Variants in COLEC10 observed in about 807,000 individuals in gnomAD.
COLEC10 encodes the protein collectin subfamily member 10.
A neutral mutation model predicts 28.4 loss-of-function variants in COLEC10; 22 were observed. That is an observed-to-expected ratio of 0.78 (90% CI 0.55 to 1.11). The LOEUF is 1.11. COLEC10 is among the 50% of genes least tolerant of loss of function. The pLI is 0.00. For missense variants in COLEC10, 361 were observed against 344.1 expected, an observed-to-expected ratio of 1.05 and a Z score of -0.39; for synonymous variants, 125 against 116.1, an observed-to-expected ratio of 1.08 and a Z score of -0.49.
the COLEC10 span, among the ~76,000 whole-genome samples, chr8:118,978,761 A>G: frequency 2.6e-5 from 4 of 152,048 alleles, no homozygotes; most frequent in East Asian, 7.7e-4. Context: ...TGCTTCTGAA[A>G]TAGGTATACC....
At chr8:119,011,072 C>T (rs7017284) in intron 2 of COLEC10, among the ~76,000 whole-genome samples, 5,088 of 150,868 alleles carry the variant, frequency 0.034, 346 homozygotes, top group African/African-American at 0.078. Context: ...ATCACCAAAC[C>T]TGAAGTCATC....
At chr8:119,036,998 A>G (rs1004179476) in intron 2 of COLEC10, among the ~76,000 whole-genome samples, 2 of 152,182 alleles carry the variant, frequency 1.3e-5, no homozygotes, top group Admixed American at 6.5e-5. Flanking sequence ...GCCAGAGCAC[A>G]TGCCTTTTGA....
intron 5 of COLEC10, among the ~76,000 whole-genome samples, chr8:119,105,150 A>G (rs995031115): frequency 2.0e-5 from 3 of 152,142 alleles, no homozygotes; most frequent in South Asian, 2.1e-4. Flanking sequence ...TACCATTCCC[A>G]TAAGTATTCC....
intron 2 of COLEC10, among the ~76,000 whole-genome samples, chr8:119,090,684 T>C (rs1815572566): frequency 6.6e-6 from 1 of 152,254 alleles, no homozygotes; most frequent in African/African-American, 2.4e-5. Context: ...CCATGTCTGA[T>C]GTTTCTTTGA....
the COLEC10 span, among the ~76,000 whole-genome samples, chr8:118,969,716 G>A: frequency 6.8e-6 from 1 of 147,948 alleles, no homozygotes; most frequent in African/African-American, 2.5e-5. Context: ...TTTAAATTCA[G>A]CTCCTTATAA....
chr8:118,967,455 C>A, the COLEC10 span, among the ~76,000 whole-genome samples: 1 of 152,000 alleles, frequency 6.6e-6, no homozygotes. Context: ...TGCTATGTCA[C>A]CTGAATCAAA....
At chr8:118,996,497 A>C (rs7824837) in intron 1 of COLEC10, among the ~76,000 whole-genome samples, 93,317 of 152,064 alleles carry the variant, frequency 0.61, 29,804 homozygotes, top group African/African-American at 0.8. Flanking sequence ...AAGAGTTTTA[A>C]TTTCTCTGCA....
chr8:118,980,947 T>C, the COLEC10 span, among the ~76,000 whole-genome samples: 1 of 150,996 alleles, frequency 6.6e-6, no homozygotes, highest in African/African-American at 2.5e-5. Flanking sequence ...TACTTCTTCA[T>C]ATTGACCCTG....
At chr8:119,054,819 A>T (rs1814735315) in intron 2 of COLEC10, among the ~76,000 whole-genome samples, 1 of 152,092 alleles carries the variant, frequency 6.6e-6, no homozygotes, top group Non-Finnish European at 1.5e-5. Context: ...CTTTCACATA[A>T]AAAGTAATTA....
intron 5 of COLEC10, among the ~76,000 whole-genome samples, chr8:119,105,422 G>T (rs754788388): frequency 5.9e-5 from 9 of 152,052 alleles, no homozygotes; most frequent in Non-Finnish European, 1.2e-4. Context: ...GACTTTCTAG[G>T]CATAAAAGGC....
the COLEC10 span, among the ~76,000 whole-genome samples, chr8:118,989,814 A>G: frequency 6.6e-6 from 1 of 152,162 alleles, no homozygotes; most frequent in East Asian, 1.9e-4. Flanking sequence ...CCCTTATCCA[A>G]AATGCTTGAG....
intron 1 of COLEC10, among the ~76,000 whole-genome samples, chr8:119,077,306 T>C (rs992024746): frequency 6.8e-6 from 1 of 147,776 alleles, no homozygotes; most frequent in Non-Finnish European, 1.5e-5. Flanking sequence ...ATGTTGGTAT[T>C]ATTCTAATGT....
At chr8:119,062,086 C>T (rs1814865724) in intron 2 of COLEC10, among the ~76,000 whole-genome samples, 1 of 151,962 alleles carries the variant, frequency 6.6e-6, no homozygotes. Context: ...TCATAATGTA[C>T]TATGTGTCCC....
At chr8:119,071,300 T>C (rs557349052) in intron 1 of COLEC10, among the ~76,000 whole-genome samples, 2 of 152,356 alleles carry the variant, frequency 1.3e-5, no homozygotes, top group East Asian at 3.9e-4. Flanking sequence ...GTTTGCTAGC[T>C]TTTTAGTAGG....
At chr8:119,032,299 A>G (rs76002117) in intron 2 of COLEC10, among the ~76,000 whole-genome samples, 6,688 of 152,224 alleles carry the variant, frequency 0.044, 214 homozygotes, top group East Asian at 0.16. Context: ...AGCCCCTTCA[A>G]ACTTTGCTAT....
intron 1 of COLEC10, among the ~76,000 whole-genome samples, chr8:118,997,657 C>G (rs539850113): frequency 2.0e-5 from 3 of 152,276 alleles, no homozygotes; most frequent in African/African-American, 7.2e-5. Context: ...AGGCTATTCT[C>G]TACTGACTGC....
At chr8:119,027,093 A>G (rs1189295557) in intron 2 of COLEC10, among the ~76,000 whole-genome samples, 2 of 152,190 alleles carry the variant, frequency 1.3e-5, no homozygotes, top group African/African-American at 2.4e-5. Flanking sequence ...CCACTGCTAT[A>G]AAACAGGAAT....
rs538414657 is a variant in COLEC10 at position 119,014,133 on chromosome 8, T to C, written n.235+4580T>C. On this transcript the variant is annotated intron_variant and non_coding_transcript_variant, in intron 2 of 6. Transcript: ENST00000521788. ...ATTAAGAATAAGAAAAATTAAAGTT[T>C]ATGTTTTATCCTCACTTATTCTTTT... Among the ~76,000 whole-genome samples the C allele has an allele frequency of 3.4e-3, 509 of 150,876 alleles. 35 individuals carry two copies. The highest frequency in any genetic ancestry group is 0.012 in the African/African-American group (473 of 40,392).
intron 1 of COLEC10, among the ~76,000 whole-genome samples, chr8:119,084,676 T>C (rs1489094377): frequency 6.6e-6 from 1 of 152,208 alleles, no homozygotes; most frequent in Non-Finnish European, 1.5e-5. Flanking sequence ...AATATGTTTA[T>C]ATAGGAGTTT....
Sources: allele counts gnomAD v4.1 joint callset (sites outside exome capture counted in the v4.1 genomes callset), GRCh38; gene constraint gnomAD v4.1.1; transcripts MANE v1.5; gene names NCBI Gene and HGNC (gene_info 2026-07-23, HGNC 2026-07-21).